Variants in MAP3K9 observed in about 807,000 individuals in gnomAD.
The protein encoded by MAP3K9 is mitogen-activated protein kinase kinase kinase 9.
Under a neutral mutation model 95.8 loss-of-function variants are expected in MAP3K9, and 46 were observed. That is an observed-to-expected ratio of 0.48 (90% CI 0.38 to 0.61). The LOEUF is 0.61. Ranked by LOEUF, MAP3K9 falls within the 20% of genes least tolerant of loss-of-function variation. MAP3K9 has a pLI of 0.00. For synonymous variants in MAP3K9, 533 were observed against 593.8 expected, an observed-to-expected ratio of 0.90 and a Z score of 1.49; for missense variants, 1,296 against 1,474.3, an observed-to-expected ratio of 0.88 and a Z score of 1.98.
intron 3 of MAP3K9, among the ~76,000 whole-genome samples, chr14:70,760,143 A>G (rs1388407777): frequency 3.0e-5 from 2 of 67,460 alleles, no homozygotes; most frequent in South Asian, 6.3e-4. Context: ...ATAAACGTGC[A>G]CACACACACA....
chr14:70,767,791 C>T (rs2054477859), intron 2 of MAP3K9, among the ~76,000 whole-genome samples: 1 of 152,150 alleles, frequency 6.6e-6, no homozygotes, highest in Middle Eastern at 3.2e-3. Flanking sequence ...TGGGCTCAAG[C>T]GTTTCTCCAC....
chr14:70,763,912 G>A (rs1015891968), intron 2 of MAP3K9, among the ~76,000 whole-genome samples: 11 of 152,050 alleles, frequency 7.2e-5, no homozygotes, highest in South Asian at 2.1e-4. Flanking sequence ...CAGGCCGGGC[G>A]CGGTGGCTCA....
At chr14:70,803,488 T>G (rs940026803) in intron 1 of MAP3K9, among the ~76,000 whole-genome samples, 1 of 151,520 alleles carries the variant, frequency 6.6e-6, no homozygotes, top group African/African-American at 2.4e-5. Context: ...GAACTGCCAC[T>G]GCTGACTATT....
chr14:70,782,549 C>G (rs557843289), intron 2 of MAP3K9, among the ~76,000 whole-genome samples: 7 of 152,282 alleles, frequency 4.6e-5, no homozygotes, highest in African/African-American at 1.7e-4. Context: ...CATTGTGAAC[C>G]ACAAGTCCTT....
intron 2 of MAP3K9, among the ~76,000 whole-genome samples, chr14:70,795,948 T>C (rs1002990311): frequency 2.0e-5 from 3 of 151,410 alleles, no homozygotes; most frequent in African/African-American, 7.3e-5. Context: ...AGAGATGGGG[T>C]TTCACCATGT....
chr14:70,742,770 G>A (rs1236098824), intron 5 of MAP3K9, among the ~76,000 whole-genome samples, 179 bp from the exon 6 acceptor site: 1 of 152,024 alleles, frequency 6.6e-6, no homozygotes, highest in African/African-American at 2.4e-5. Flanking sequence ...CTTGAATGGT[G>A]GGGAAAGGAA....
At chr14:70,798,317 C>A (rs1200405934) in intron 2 of MAP3K9, among the ~76,000 whole-genome samples, 5 of 152,090 alleles carry the variant, frequency 3.3e-5, no homozygotes, top group Admixed American at 2.0e-4. Context: ...TAAATGGGTT[C>A]AATTATGTAA....
intron 3 of MAP3K9, among the ~76,000 whole-genome samples, chr14:70,755,279 A>T (rs887089301): frequency 6.6e-6 from 1 of 152,162 alleles, no homozygotes; most frequent in Non-Finnish European, 1.5e-5. Flanking sequence ...TCCCTGAGAC[A>T]CCCTGCTGGG....
At chr14:70,757,962 T>C (rs760956662) in intron 3 of MAP3K9, among the ~76,000 whole-genome samples, 3 of 152,094 alleles carry the variant, frequency 2.0e-5, no homozygotes, top group Non-Finnish European at 4.4e-5. Context: ...GAAAAAAATA[T>C]AGGAGTGTAA....
At chr14:70,763,802 G>C (rs2054407363) in intron 2 of MAP3K9, among the ~76,000 whole-genome samples, 1 of 152,106 alleles carries the variant, frequency 6.6e-6, no homozygotes, top group South Asian at 2.1e-4. Context: ...AAAGTGTTGG[G>C]ATTACTGGTG....
At position 70,738,417 on chromosome 14, in the gene MAP3K9, G is replaced by T; in HGVS notation, c.1691-19C>A. The T allele has an allele frequency of 6.2e-7, 1 of 1,612,278 alleles. No individual in the cohort carries two copies. The highest frequency in any genetic ancestry group is 1.1e-5 in the South Asian group (1 of 90,726). Reference sequence around the variant, plus strand: ...GGTGTCACTGTGAATCACAAGGGTTGGATAGGATCTAGAAAATGGACAGAC... The same window carrying T: ...GGTGTCACTGTGAATCACAAGGGTTTGATAGGATCTAGAAAATGGACAGAC... On this transcript the variant is annotated intron_variant, in intron 7 of 11. Transcript: ENST00000554752.
At position 70,768,459 on chromosome 14, in the gene MAP3K9, A is replaced by G. The variant is rs371472103; in HGVS notation, c.821-7277T>C. ...GCATATGGTCAAAATGCTGAGCCTA[A>G]GGCCTGCCTTCTCTGCTTGAGAAGA... On this transcript the variant is annotated intron_variant, in intron 2 of 11. Coordinates refer to ENST00000554752, the MANE Select transcript of MAP3K9 (RefSeq NM_001284230.2). Among the ~76,000 whole-genome samples, 7 of 152,270 alleles carry G rather than the reference A, an allele frequency of 4.6e-5. No homozygotes were observed. The East Asian group carries it at 9.7e-4, about 21-fold the overall frequency.
rs755556091 is a variant in MAP3K9, at chr14:70,800,862, C to T, written c.625G>A (p.Val209Ile). 1.2e-6 allele frequency: 2 copies of T among 1,614,186 alleles called. No homozygotes were observed. Among genetic ancestry groups the T allele is most frequent in the African/African-American group, 1.3e-5 (1 of 75,050 alleles). Residue 209 changes from valine (V) to isoleucine (I), a missense_variant, in exon 2 of 12, where the codon GTA becomes ATA. By Grantham distance (29) the Val-to-Ile change is conservative. Around this residue, in one of 5 missense-constraint regions of MAP3K9, gnomAD observed 338 missense variants for 363.4 expected, o/e 0.93. Coordinates refer to ENST00000554752, the MANE Select transcript of MAP3K9 (RefSeq NM_001284230.2). ...CAGAGGTTGGGCTCCTTCAGACATACCCCTCTTAGGGCAATGATGTTGGGG... is the reference window on the plus strand; with the variant it reads ...CAGAGGTTGGGCTCCTTCAGACATATCCCTCTTAGGGCAATGATGTTGGGG... ...KHPNIIALRG[V>I]CLKEPNLCLV...
rs1278151520 is a variant in MAP3K9, at chr14:70,734,503, AT to A, written c.1914-6del. ...CCATCTACCAGGGACTTGAGGCTGAATCAGAGGAAAAGAGGAAACTGTCAGA... is the reference window on the plus strand; with the variant it reads ...CCATCTACCAGGGACTTGAGGCTGAACAGAGGAAAAGAGGAAACTGTCAGA... On this transcript the variant is annotated splice_region_variant and splice_polypyrimidine_tract_variant and intron_variant, in intron 9 of 11. Transcript: ENST00000554752. 1 of 1,548,848 alleles carries A rather than the reference AT, an allele frequency of 6.5e-7. No individual in the cohort carries two copies. Among genetic ancestry groups the A allele is most frequent in the Non-Finnish European group, 8.9e-7 (1 of 1,123,688 alleles).
In MAP3K9 at chr14:70,724,412, A is replaced by C. The variant is rs2053792197; in HGVS notation, c.*5968T>G. 1 of 152,184 alleles carries C rather than the reference A, an allele frequency of 6.6e-6. No homozygotes were observed. The highest frequency in any genetic ancestry group is 2.1e-4 in the South Asian group (1 of 4,828). 9.4% of individuals were successfully genotyped at this position (152,184 alleles called of 1,614,324 possible). Reference sequence around the variant, plus strand: ...TCACTCAGGACCTGAGGGGAAGGGCAAGTAAAAATTTAAAACGTATTTCAC... The same window carrying C: ...TCACTCAGGACCTGAGGGGAAGGGCCAGTAAAAATTTAAAACGTATTTCAC... On this transcript the variant is annotated 3_prime_UTR_variant, in exon 12 of 12. Coordinates refer to ENST00000554752, the MANE Select transcript of MAP3K9 (RefSeq NM_001284230.2).
intron 4 of MAP3K9, 43 bp downstream of exon 4, chr14:70,749,890 A>C: frequency 1.2e-6 from 2 of 1,612,938 alleles, no homozygotes; most frequent in South Asian, 2.2e-5. Flanking sequence ...TGCTTACAAG[A>C]GGCAAAGTGT....
chr14:70,804,635 T>G (rs2054969536), intron 1 of MAP3K9, among the ~76,000 whole-genome samples: 1 of 152,258 alleles, frequency 6.6e-6, no homozygotes, highest in East Asian at 1.9e-4. Context: ...TTAAGCATAG[T>G]TGTAAACACA....
intron 2 of MAP3K9, among the ~76,000 whole-genome samples, chr14:70,795,872 C>T (rs1396051384): frequency 6.6e-6 from 1 of 152,000 alleles, no homozygotes; most frequent in Non-Finnish European, 1.5e-5. Context: ...GATTCTGCCT[C>T]AGCCTCCCGA....
In MAP3K9 at chr14:70,722,881, C is replaced by G. The variant is rs936412783; in HGVS notation, c.*7499G>C. 2 of 152,190 alleles carry G rather than the reference C, an allele frequency of 1.3e-5. No homozygotes were observed. The highest frequency in any genetic ancestry group is 4.8e-5 in the African/African-American group (2 of 41,458). The allele number at this position is 152,190 out of a possible 1,614,324, so 9.4% of individuals were successfully genotyped here. On this transcript the variant is annotated 3_prime_UTR_variant, in exon 12 of 12. Coordinates refer to ENST00000554752, the MANE Select transcript of MAP3K9 (RefSeq NM_001284230.2). ...AGTAGCTAATTACAGAGCAACCAAA[C>G]AAACACATGTGTGAACTTTCACTTC...
Sources: allele counts gnomAD v4.1 joint callset (sites outside exome capture counted in the v4.1 genomes callset), GRCh38; gene constraint gnomAD v4.1.1; regional missense constraint gnomAD v4.1.1; transcripts MANE v1.5; gene names NCBI Gene and HGNC (gene_info 2026-07-23, HGNC 2026-07-21).